CLEC16A: variants seen among roughly 807,000 people sequenced by gnomAD.
CLEC16A encodes the protein protein CLEC16A.
A neutral mutation model predicts 109.5 loss-of-function variants in CLEC16A; 51 were observed. The ratio of observed to expected loss-of-function variants is 0.47; its 90% CI spans 0.37 to 0.59. The LOEUF (loss-of-function observed/expected upper bound fraction) is 0.59, where lower values mean the gene tolerates loss of function less well. CLEC16A is among the 20% of genes least tolerant of loss of function. CLEC16A has a pLI of 0.00. For synonymous variants in CLEC16A, 673 were observed against 564.2 expected (o/e 1.19, Z -2.73); for missense variants, 1,339 against 1,394.0 (o/e 0.96, Z 0.63).
At chr16:11,154,744 G>T (rs1194099235) in intron 22 of CLEC16A, among the ~76,000 whole-genome samples, 1 of 152,072 alleles carries the variant, frequency 6.6e-6, no homozygotes, top group Non-Finnish European at 1.5e-5. Context: ...GACCAACATG[G>T]TGAAACCCCA....
At chr16:11,020,616 G>A (rs1340569039) in intron 12 of CLEC16A, among the ~76,000 whole-genome samples, 1 of 152,232 alleles carries the variant, frequency 6.6e-6, no homozygotes, top group Non-Finnish European at 1.5e-5. Context: ...GACATGGGTT[G>A]CTTCACATTG....
At chr16:11,140,296 C>T (rs2053763681) in intron 22 of CLEC16A, among the ~76,000 whole-genome samples, 1 of 152,300 alleles carries the variant, frequency 6.6e-6, no homozygotes, top group South Asian at 2.1e-4. Context: ...TCACGGATGG[C>T]TGGGTGGCAG....
chr16:11,060,702 C>T (rs1046078793), intron 18 of CLEC16A, among the ~76,000 whole-genome samples, 200 bp from the exon 19 acceptor site: 1 of 150,114 alleles, frequency 6.7e-6, no homozygotes, highest in African/African-American at 2.5e-5. Flanking sequence ...TAACTGAAAA[C>T]AGGCTACTCC....
chr16:10,979,074 G>A (rs966726172), intron 8 of CLEC16A, among the ~76,000 whole-genome samples: 1 of 152,112 alleles, frequency 6.6e-6, no homozygotes, highest in Non-Finnish European at 1.5e-5. Flanking sequence ...AAGTTCTCGT[G>A]GGTCAGCCTC....
chr16:11,003,731 A>G (rs1596999101), intron 11 of CLEC16A, among the ~76,000 whole-genome samples: 1 of 152,220 alleles, frequency 6.6e-6, no homozygotes, highest in East Asian at 1.9e-4. Context: ...GCAGCATGGA[A>G]TTATTATTAT....
chr16:11,078,663 C>A (rs1179735134), intron 19 of CLEC16A, among the ~76,000 whole-genome samples: 2 of 152,188 alleles, frequency 1.3e-5, no homozygotes, highest in African/African-American at 4.8e-5. Context: ...CTGCAGTAGA[C>A]CCCGTCGTTG....
At chr16:11,162,933 C>A (rs1341151999) in intron 22 of CLEC16A, among the ~76,000 whole-genome samples, 1 of 151,996 alleles carries the variant, frequency 6.6e-6, no homozygotes, top group East Asian at 1.9e-4. Context: ...GCCTCTGATA[C>A]ACATTTTGCA....
At chr16:11,047,196 T>C in intron 16 of CLEC16A, 96 bp from the exon 17 acceptor site, 2 of 884,456 alleles carry the variant, frequency 2.3e-6, no homozygotes, top group Non-Finnish European at 1.7e-6. Flanking sequence ...GAGAAACAGA[T>C]GGCCTCTAAA....
intron 16 of CLEC16A, among the ~76,000 whole-genome samples, chr16:11,046,471 GGT>G (rs148342149): frequency 6.0e-5 from 9 of 150,796 alleles, no homozygotes; most frequent in East Asian, 1.9e-4. Flanking sequence ...CCAAGTGTGG[GGT>G]GTGTGTGTGT....
At chr16:10,952,823 A>G (rs1468349533) in intron 1 of CLEC16A, among the ~76,000 whole-genome samples, 1 of 152,232 alleles carries the variant, frequency 6.6e-6, no homozygotes, top group Non-Finnish European at 1.5e-5. Context: ...AAACAATATC[A>G]TTTACAATAG....
chr16:11,152,190 G>T (rs943739462), intron 22 of CLEC16A, among the ~76,000 whole-genome samples: 1 of 152,228 alleles, frequency 6.6e-6, no homozygotes, highest in African/African-American at 2.4e-5. Flanking sequence ...CAAATGTAGT[G>T]CTGTCTTTTA....
Position 11,043,985 on chromosome 16 carries a change from A to G in CLEC16A, c.1771-43A>G, listed in dbSNP as rs74163617. ...CGTAGTTTGCCCGACTTGCTCACCT[A>G]TATGAGACCTGCCTCCTTCACACCT... On this transcript the variant is annotated intron_variant, in intron 15 of 23. Transcript: ENST00000409790. 515 of 1,555,794 alleles carry G rather than the reference A, an allele frequency of 3.3e-4. 2 individuals carry two copies. Among genetic ancestry groups the G allele is most frequent in the South Asian group, 6.4e-4 (54 of 84,072 alleles).
At chr16:11,132,522 G>T (rs532340805) in intron 22 of CLEC16A, among the ~76,000 whole-genome samples, 2 of 152,042 alleles carry the variant, frequency 1.3e-5, no homozygotes, top group Non-Finnish European at 2.9e-5. Flanking sequence ...GCGAACATTC[G>T]TGCACAAGCT....
In CLEC16A at chr16:10,957,773, T is replaced by A. The variant is rs780592021; in HGVS notation, c.81-9T>A. 36 of 1,613,664 alleles carry A rather than the reference T, an allele frequency of 2.2e-5. No homozygotes were observed. Among genetic ancestry groups the A allele is most frequent in the Non-Finnish European group, 2.9e-5 (34 of 1,179,748 alleles). On this transcript the variant is annotated splice_polypyrimidine_tract_variant and intron_variant, in intron 1 of 23. Transcript: ENST00000409790. ...AACCTTTAATTTCCTTTTCTCTCAT[T>A]TCTCTCAGGTATCTGTACCACGTTT...
intron 19 of CLEC16A, among the ~76,000 whole-genome samples, chr16:11,089,427 C>T (rs2050185090): frequency 6.6e-6 from 1 of 152,186 alleles, no homozygotes; most frequent in African/African-American, 2.4e-5. Context: ...TTACAGAACG[C>T]TGAGGGGTCA....
At chr16:11,135,352 G>C (rs1053260613) in intron 22 of CLEC16A, among the ~76,000 whole-genome samples, 1 of 152,180 alleles carries the variant, frequency 6.6e-6, no homozygotes. Flanking sequence ...CCGCGTTCCC[G>C]GATCCGGGCC....
intron 21 of CLEC16A, among the ~76,000 whole-genome samples, chr16:11,124,208 C>T (rs1272065683): frequency 3.3e-5 from 5 of 152,236 alleles, no homozygotes; most frequent in African/African-American, 1.2e-4. Flanking sequence ...TGTGGGACCA[C>T]TCTTCTCAGC....
chr16:11,170,722 G>A (rs922508168), intron 23 of CLEC16A, among the ~76,000 whole-genome samples: 4 of 152,192 alleles, frequency 2.6e-5, no homozygotes, highest in African/African-American at 9.7e-5. Flanking sequence ...AAGCAAGCAG[G>A]ATTAGGATAA....
chr16:11,042,032 G>A lies in CLEC16A; in HGVS notation c.1661-222G>A, dbSNP rs76766368. The stretch of plus-strand genomic sequence containing the variant: ...ACCCTGTCAGTAAAGGGACTTCAGG[G>A]AAGTATTTGGTATAGGTAGTTTTGA... On this transcript the variant is annotated intron_variant, in intron 14 of 23. Transcript: ENST00000409790. 1,123 of 525,874 alleles carry A rather than the reference G, an allele frequency of 2.1e-3. 1 individual carries two copies. Among genetic ancestry groups the A allele is most frequent in the Non-Finnish European group, 2.5e-3 (725 of 293,532 alleles). 32.6% of individuals were successfully genotyped at this position (525,874 alleles called of 1,614,324 possible).
Sources: gnomAD v4.1 joint callset for allele counts (sites outside exome capture counted in the v4.1 genomes callset) on GRCh38, gnomAD v4.1.1 for gene constraint, MANE v1.5 for transcripts, NCBI Gene and HGNC (gene_info 2026-07-23, HGNC 2026-07-21) for gene names.